TRPM1: variants seen among roughly 807,000 people sequenced by gnomAD.
The protein encoded by TRPM1 is transient receptor potential cation channel subfamily M member 1, also known as TRPM1-203 APA Isoform, Intron 10.
In TRPM1, 113 loss-of-function variants were observed where a neutral mutation model predicts 149.4. That is an observed-to-expected ratio of 0.76 (90% CI 0.65 to 0.88). The LOEUF (loss-of-function observed/expected upper bound fraction) is 0.88. Among genes scored for constraint, TRPM1 ranks in the 40% least tolerant of loss-of-function variants. TRPM1 has a pLI of 0.00. For synonymous variants in TRPM1, 741 were observed against 759.5 expected (o/e 0.98, Z 0.40); for missense variants, 1,976 against 2,038.7 (o/e 0.97, Z 0.59).
At chr15:31,039,667 CT>C (rs1383963767) in intron 18 of TRPM1, among the ~76,000 whole-genome samples, 4 of 152,168 alleles carry the variant, frequency 2.6e-5, no homozygotes, top group Non-Finnish European at 5.9e-5. Flanking sequence ...TTGTAATTTT[CT>C]CCCATGTCAT....
chr15:31,087,720 G>A (rs1372944633), intron 1 of TRPM1, among the ~76,000 whole-genome samples: 1 of 152,176 alleles, frequency 6.6e-6, no homozygotes, highest in Non-Finnish European at 1.5e-5. Flanking sequence ...TACCACAACA[G>A]GGATGGACTT....
chr15:31,126,081 A>C lies in TRPM1; in HGVS notation c.54+34825T>G, dbSNP rs189644712. Among the ~76,000 whole-genome samples the C allele has an allele frequency of 3.1e-4, 47 of 151,648 alleles. No individual in the cohort carries two copies. In the East Asian group the frequency reaches 9.2e-3, roughly 30 times the overall value. The stretch of plus-strand genomic sequence containing the variant: ...CGGGAGGCAGAGATTGCAGTGAGCC[A>C]AGATCACACCGCTGCACTCCAGCCT... On this transcript the variant is annotated intron_variant, in intron 1 of 26. Transcript: ENST00000542188.
At chr15:31,053,712 A>T (rs1406439956) in intron 11 of TRPM1, among the ~76,000 whole-genome samples, 4 of 152,204 alleles carry the variant, frequency 2.6e-5, no homozygotes, top group South Asian at 2.1e-4. Flanking sequence ...TAAAAATAGG[A>T]TTACCGTGTG....
chr15:31,139,979 T>G (rs1046363824), intron 1 of TRPM1, among the ~76,000 whole-genome samples: 3 of 152,202 alleles, frequency 2.0e-5, no homozygotes, highest in African/African-American at 7.2e-5. Flanking sequence ...ATTTCTAAGT[T>G]AAAACACTGA....
In TRPM1 at chr15:31,089,899, G is replaced by T. The variant is rs566368154; in HGVS notation, c.-83-8461C>A. 3.3e-5 allele frequency among the ~76,000 whole-genome samples: 5 copies of T among 152,306 alleles called. No individual in the cohort carries two copies. In the South Asian group the frequency reaches 8.3e-4, roughly 25 times the overall value. On this transcript the variant is annotated intron_variant, in intron 1 of 27. Coordinates refer to ENST00000256552, the MANE Select transcript of TRPM1 (RefSeq NM_001252024.2). ...GCACAGGGAACTGATGTCACCTGGGGCAGAGGATCCTGGGTTGGCCGGGAG... is the reference window on the plus strand; with the variant it reads ...GCACAGGGAACTGATGTCACCTGGGTCAGAGGATCCTGGGTTGGCCGGGAG...
chr15:31,014,090 T>C (rs2032277784), intron 27 of TRPM1, among the ~76,000 whole-genome samples: 1 of 151,668 alleles, frequency 6.6e-6, no homozygotes, highest in Non-Finnish European at 1.5e-5. Context: ...CACAGCCCTA[T>C]GCATGCACAT....
intron 4 of TRPM1, among the ~76,000 whole-genome samples, chr15:31,068,470 G>A (rs1334394474): frequency 6.6e-6 from 1 of 151,940 alleles, no homozygotes; most frequent in African/African-American, 2.4e-5. Context: ...GGCTGGGCGT[G>A]GTGGCTCATG....
chr15:31,029,551 T>G (rs1283419062), intron 23 of TRPM1, among the ~76,000 whole-genome samples, 160 bp from the exon 24 acceptor site: 1 of 152,218 alleles, frequency 6.6e-6, no homozygotes, highest in Non-Finnish European at 1.5e-5. Flanking sequence ...TTGGGAAATA[T>G]TGATTCACAC....
chr15:31,113,971 G>C (rs137946014), intron 1 of TRPM1, among the ~76,000 whole-genome samples: 4,754 of 151,570 alleles, frequency 0.031, 255 homozygotes, highest in African/African-American at 0.11. Flanking sequence ...ACAGAGTGCT[G>C]ATTGGTCCAT....
chr15:31,087,345 C>T (rs571812353), intron 1 of TRPM1, among the ~76,000 whole-genome samples: 43 of 144,920 alleles, frequency 3.0e-4, no homozygotes, highest in Middle Eastern at 7.4e-3. Flanking sequence ...CCCGGGTTCA[C>T]GCCATTCTCC....
intron 1 of TRPM1, among the ~76,000 whole-genome samples, chr15:31,154,526 C>T (rs1158761440): frequency 6.6e-6 from 1 of 152,234 alleles, no homozygotes; most frequent in Non-Finnish European, 1.5e-5. Context: ...CTTGATCATT[C>T]CTGGGCGCAG....
Position 31,002,382 on chromosome 15 carries a change from T to C in TRPM1, c.4318A>G (p.Thr1440Ala). Residue 1440 changes from threonine to alanine, a missense_variant, in exon 28 of 28, where the codon ACC (threonine) becomes GCC (alanine). Coordinates refer to ENST00000256552, the MANE Select transcript of TRPM1 (RefSeq NM_001252024.2). ...TCGGGGAAATAGCGTGTAATTTTGG[T>C]TTCTTCCAGGGGATAGGAAATAGTG... ...EGTISYPLEETKITRYFPDET... is the reference protein window; with the variant it reads ...EGTISYPLEEAKITRYFPDET... 6.2e-7 allele frequency: 1 copy of C among 1,614,262 alleles called. No individual in the cohort carries two copies.
In TRPM1 at chr15:31,002,712, C is replaced by T. The variant is rs764040647; in HGVS notation, c.3988G>A (p.Glu1330Lys). Residue 1330 changes from glutamate to lysine, a missense_variant, in exon 28 of 28, where the codon GAA (glutamate) becomes AAA (lysine). Physicochemically the swap from Glu to Lys is moderately conservative, Grantham distance 56. Around this residue, in one of 3 missense-constraint regions of TRPM1, gnomAD observed 572 missense variants for 578.9 expected, o/e 0.99. Transcript: ENST00000256552. ...AGGTGCGTTTTCACGTCCTTCTCTTCCTTTATACGGAAGGAACAGGTTTTT... is the reference window on the plus strand; with the variant it reads ...AGGTGCGTTTTCACGTCCTTCTCTTTCTTTATACGGAAGGAACAGGTTTTT... ...RKKTCSFRIKEEKDVKTHLVP... is the reference protein window; with the variant it reads ...RKKTCSFRIKKEKDVKTHLVP... 1.2e-6 allele frequency: 2 copies of T among 1,614,170 alleles called. No individual in the cohort carries two copies. The highest frequency in any genetic ancestry group is 1.1e-5 in the South Asian group (1 of 91,080).
chr15:31,130,983 G>A (rs1399063051), intron 1 of TRPM1, among the ~76,000 whole-genome samples: 1 of 152,184 alleles, frequency 6.6e-6, no homozygotes, highest in African/African-American at 2.4e-5. Context: ...AGGAGAATCC[G>A]TTGGGCAACG....
chr15:31,153,074 A>ATT (rs1486103928), intron 1 of TRPM1, among the ~76,000 whole-genome samples: 1 of 152,234 alleles, frequency 6.6e-6, no homozygotes, highest in Non-Finnish European at 1.5e-5. Context: ...TTTCTTTGAC[A>ATT]TATTTTGGAA....
chr15:31,115,482 G>A (rs1055564089), intron 1 of TRPM1, among the ~76,000 whole-genome samples: 11 of 152,040 alleles, frequency 7.2e-5, no homozygotes, highest in African/African-American at 2.4e-4. Flanking sequence ...TTCTAGAATC[G>A]GAGAAAATGC....
At chr15:31,083,327 C>A (rs1459808612) in intron 1 of TRPM1, among the ~76,000 whole-genome samples, 1 of 152,194 alleles carries the variant, frequency 6.6e-6, no homozygotes, top group Non-Finnish European at 1.5e-5. Flanking sequence ...TGGTTGGAAC[C>A]TTTTGTGAAA....
chr15:31,078,084 G>A (rs1268621613), intron 2 of TRPM1, among the ~76,000 whole-genome samples: 1 of 152,126 alleles, frequency 6.6e-6, no homozygotes, highest in East Asian at 1.9e-4. Context: ...AACCATGGCC[G>A]GCGGGAGCCT....
intron 1 of TRPM1, among the ~76,000 whole-genome samples, chr15:31,156,484 C>T (rs2036379353): frequency 6.6e-6 from 1 of 152,152 alleles, no homozygotes; most frequent in Non-Finnish European, 1.5e-5. Context: ...CTTTGAACTT[C>T]ACAACTCCTT....
Sources: gnomAD v4.1 joint callset for allele counts (sites outside exome capture counted in the v4.1 genomes callset) on GRCh38, gnomAD v4.1.1 for gene constraint, gnomAD v4.1.1 regional missense constraint, MANE v1.5 for transcripts, NCBI Gene and HGNC (gene_info 2026-07-23, HGNC 2026-07-21) for gene names.